Variants in CUL4B observed in about 807,000 individuals in gnomAD.
CUL4B encodes the protein cullin 4B, also known as cullin-4B.
In CUL4B, 1 loss-of-function variant was observed where a neutral mutation model predicts 69.2. That is an observed-to-expected ratio of 0.01 (90% CI 0.01 to 0.07). The LOEUF (loss-of-function observed/expected upper bound fraction) is 0.07, where lower values mean the gene tolerates loss of function less well. CUL4B is among the 10% of genes least tolerant of loss of function. CUL4B has a pLI of 1.00. For synonymous variants in CUL4B, 237 were observed against 223.2 expected (o/e 1.06, Z -0.55); for missense variants, 328 against 638.8 (o/e 0.51, Z 5.24).
chrX:120,525,530 G>C lies in CUL4B; in HGVS notation c.*1231C>G. 9.0e-6 allele frequency: 1 copy of C among 111,483 alleles called. No homozygotes were observed. Among genetic ancestry groups the C allele is most frequent in the Non-Finnish European group, 1.9e-5 (1 of 53,078 alleles). The allele number at this position is 111,483 out of a possible 1,213,427, so 9.2% of individuals were successfully genotyped here. ...CCATTTTGTATATATAAACAATCTT[G>C]GGACATTCTCCTGAAAACTAGGTGT... On this transcript the variant is annotated 3_prime_UTR_variant, in exon 20 of 20. Transcript: ENST00000371322.
chrX:120,546,680 G>C (rs2147336812), intron 3 of CUL4B, 64 bp from the exon 4 acceptor site: 3 of 790,823 alleles, frequency 3.8e-6, no homozygotes, highest in African/African-American at 2.0e-5. Context: ...ATGTGACAGA[G>C]AGCATATTAG....
chrX:120,557,206 C>T (rs992009939), intron 2 of CUL4B, among the ~76,000 whole-genome samples: 1 of 111,432 alleles, frequency 9.0e-6, no homozygotes, highest in Non-Finnish European at 1.9e-5. Context: ...CCACCGTGCC[C>T]GGCCTGAAGT....
At position 120,526,923 on chromosome X, in the gene CUL4B, C is replaced by A; in HGVS notation, c.2593-67G>T. 4 of 616,708 alleles carry A rather than the reference C, an allele frequency of 6.5e-6. No individual in the cohort carries two copies. The East Asian group carries it at 1.1e-4, about 17-fold the overall frequency. 50.8% of individuals were successfully genotyped at this position (616,708 alleles called of 1,213,427 possible). ...TTGGCTCAAGCCCATTTAGTTAATACCCCATTAAAAAGACAACAGTTTCGG... is the reference window on the plus strand; with the variant it reads ...TTGGCTCAAGCCCATTTAGTTAATAACCCATTAAAAAGACAACAGTTTCGG... On this transcript the variant is annotated intron_variant, in intron 19 of 19. Coordinates refer to ENST00000371322, the MANE Select transcript of CUL4B (RefSeq NM_001079872.2).
chrX:120,538,096 A>T (rs1923775758), intron 14 of CUL4B, 28 bp downstream of exon 14: 3 of 993,832 alleles, frequency 3.0e-6, no homozygotes, highest in Non-Finnish European at 4.3e-6. Context: ...ACTAAGTTTG[A>T]GGAATTAAGA....
At chrX:120,544,306 C>G in intron 6 of CUL4B, 103 bp from the exon 7 acceptor site, 1 of 810,672 alleles carries the variant, frequency 1.2e-6, no homozygotes, top group South Asian at 2.2e-5. Context: ...TTTTAAACAT[C>G]AAGCTAGGAT....
intron 4 of CUL4B, 148 bp from the exon 5 acceptor site, chrX:120,545,665 A>C (rs1232531581): frequency 2.2e-6 from 1 of 456,361 alleles, no homozygotes; most frequent in African/African-American, 2.5e-5. Context: ...TCTATCTGAG[A>C]ATATGCCCAT....
intron 12 of CUL4B, 43 bp downstream of exon 12, chrX:120,539,225 G>C (rs1923845535): frequency 2.7e-6 from 2 of 733,358 alleles, no homozygotes; most frequent in Non-Finnish European, 4.1e-6. Context: ...TCTGTTGAGT[G>C]CTATTTTAAA....
At chrX:120,558,987 GC>G (rs1209544893) in intron 1 of CUL4B, among the ~76,000 whole-genome samples, 2 of 111,164 alleles carry the variant, frequency 1.8e-5, no homozygotes, top group Non-Finnish European at 3.8e-5. Flanking sequence ...GAAACTGAGA[GC>G]CTGGGTATGG....
chrX:120,558,787 T>C (rs1254499825), intron 1 of CUL4B, among the ~76,000 whole-genome samples: 1 of 111,721 alleles, frequency 9.0e-6, no homozygotes, highest in African/African-American at 3.3e-5. Context: ...AATATCCAAA[T>C]GCCTTAATAA....
At chrX:120,532,311 A>C in intron 18 of CUL4B, 111 bp downstream of exon 18, 1 of 620,999 alleles carries the variant, frequency 1.6e-6, no homozygotes, top group African/African-American at 2.2e-5. Flanking sequence ...CATAGACACA[A>C]AAAATATTAA....
At chrX:120,566,228 G>A (rs1204899991), upstream of CUL4B, among the ~76,000 whole-genome samples, 1 of 104,560 alleles carries the variant, frequency 9.6e-6, no homozygotes, top group African/African-American at 3.5e-5. Context: ...GAATTCATCA[G>A]TTTCCCATCC....
At chrX:120,531,428 AAAAC>A (rs1923308011) in intron 18 of CUL4B, among the ~76,000 whole-genome samples, 1 of 109,805 alleles carries the variant, frequency 9.1e-6, no homozygotes, top group Non-Finnish European at 1.9e-5. Flanking sequence ...TCAAATGGCA[AAAAC>A]AAACAAAATA....
chrX:120,537,568 T>C (rs772403170), intron 14 of CUL4B, among the ~76,000 whole-genome samples: 6 of 111,806 alleles, frequency 5.4e-5, no homozygotes, highest in Admixed American at 2.9e-4. Context: ...CTGACCCTGA[T>C]TTTTTCTTAA....
chrX:120,535,702 CTCA>C, intron 16 of CUL4B, 125 bp downstream of exon 16: 20 of 323,528 alleles, frequency 6.2e-5, no homozygotes, highest in Admixed American at 1.3e-4. Flanking sequence ...GAGACTCTGT[CTCA>C]AAAAAAAAAA....
At chrX:120,531,045 C>A (rs1004155609) in intron 18 of CUL4B, among the ~76,000 whole-genome samples, 1 of 111,345 alleles carries the variant, frequency 9.0e-6, no homozygotes, top group Non-Finnish European at 1.9e-5. Context: ...TTTTTTCAGT[C>A]GGGCTCAGTG....
intron 9 of CUL4B, among the ~76,000 whole-genome samples, chrX:120,541,997 G>A (rs1924019782): frequency 9.0e-6 from 1 of 110,915 alleles, no homozygotes; most frequent in Non-Finnish European, 1.9e-5. Context: ...GGGAGGCTGA[G>A]GCAGGAGGAT....
upstream of CUL4B, among the ~76,000 whole-genome samples, chrX:120,563,356 T>G (rs1925397440): frequency 8.9e-6 from 1 of 111,987 alleles, no homozygotes; most frequent in Non-Finnish European, 1.9e-5. Flanking sequence ...GCGTCAGCCT[T>G]CTTGAGTACC....
chrX:120,559,859 C>G (rs1330951242), intron 1 of CUL4B: 1 of 1,141,208 alleles, frequency 8.8e-7, no homozygotes, highest in African/African-American at 1.8e-5. Flanking sequence ...AAAAAGACCT[C>G]AAAATACTGC....
chrX:120,541,621 T>C lies in CUL4B; in HGVS notation c.1424A>G (p.Gln475Arg). The C allele has an allele frequency of 8.4e-7, 1 of 1,196,467 alleles. No homozygotes were observed. Among genetic ancestry groups the C allele is most frequent in the South Asian group, 1.8e-5 (1 of 56,672 alleles). ...VRGGVQVLLQ[Q>R]WIEYIKAFGS... ...TAATACCTTGATATATTCGATCCAC[T>C]GCTGCAAAAGAACCTGAACTCCACC... The change falls in exon 10 of 20, where the codon CAG (glutamine) becomes CGG (arginine). Residue 475 changes from glutamine to arginine, a missense_variant. This residue lies in a region of CUL4B where 126 missense variants were observed against 202.5 expected (regional missense o/e 0.62). Transcript: ENST00000371322.
Sources: allele counts gnomAD v4.1 joint callset (sites outside exome capture counted in the v4.1 genomes callset), GRCh38; gene constraint gnomAD v4.1.1; regional missense constraint gnomAD v4.1.1; transcripts MANE v1.5; gene names NCBI Gene and HGNC (gene_info 2026-07-23, HGNC 2026-07-21).